Variants in NCAM2 observed in about 807,000 individuals in gnomAD.
NCAM2 encodes the protein N-CAM-2.
A neutral mutation model predicts 98.1 loss-of-function variants in NCAM2; 30 were observed. That is an observed-to-expected ratio of 0.31 (90% confidence interval 0.23 to 0.41). NCAM2 has a LOEUF of 0.41. Among genes scored for constraint, NCAM2 ranks in the 10% least tolerant of loss-of-function variants. The probability of loss-of-function intolerance (pLI) is 1.00; values close to 1 mark genes in which losing one functional copy is unlikely to be tolerated. For synonymous variants in NCAM2, 368 were observed against 342.4 expected (o/e 1.07, Z -0.83); for missense variants, 867 against 1,005.8 (o/e 0.86, Z 1.87).
chr21:21,231,421 A>G (rs1568805240), intron 1 of NCAM2, among the ~76,000 whole-genome samples: 1 of 151,322 alleles, frequency 6.6e-6, no homozygotes, highest in African/African-American at 2.4e-5. Context: ...CTTTTGGAAA[A>G]AGAAACAGAA....
rs199935970 is a variant in NCAM2, at chr21:21,265,160, TTATA to T, written c.56-15412_56-15409del. Among the ~76,000 whole-genome samples the T allele has an allele frequency of 8.0e-4, 94 of 116,900 alleles. 2 individuals carry two copies. Among genetic ancestry groups the T allele is most frequent in the Non-Finnish European group, 5.9e-4 (35 of 59,512 alleles). The allele number at this position is 116,900 out of a possible 152,430, so 76.7% of individuals were successfully genotyped here. On this transcript the variant is annotated intron_variant, in intron 1 of 17. Coordinates refer to ENST00000400546, the MANE Select transcript of NCAM2 (RefSeq NM_004540.5). ...ATATATAATATATATACATATATAC[TTATA>T]TATATTATATATGTATATATAATAT... is the stretch of plus-strand genomic sequence containing the variant.
At chr21:21,296,445 AACTG>A (rs2073482607) in intron 5 of NCAM2, among the ~76,000 whole-genome samples, 1 of 19,370 alleles carries the variant, frequency 5.2e-5, no homozygotes, top group South Asian at 2.0e-3. Flanking sequence ...CCAAGCACCT[AACTG>A]TGATTGAAAT....
intron 1 of NCAM2, among the ~76,000 whole-genome samples, chr21:21,001,287 A>G (rs1192613267): frequency 6.6e-6 from 1 of 152,238 alleles, no homozygotes; most frequent in Admixed American, 6.5e-5. Context: ...GTTGTACAGT[A>G]GTAAGACGCT....
At chr21:21,111,284 G>A (rs542279243) in intron 1 of NCAM2, among the ~76,000 whole-genome samples, 1 of 152,224 alleles carries the variant, frequency 6.6e-6, no homozygotes, top group Admixed American at 6.5e-5. Context: ...CTTTTAAAAT[G>A]TAAGTCTGTA....
intron 9 of NCAM2, among the ~76,000 whole-genome samples, chr21:21,407,722 T>C (rs1479728588): frequency 6.6e-6 from 1 of 152,212 alleles, no homozygotes; most frequent in Non-Finnish European, 1.5e-5. Flanking sequence ...AAGATATAGA[T>C]ATAGACGTAT....
At chr21:21,367,213 T>G (rs2075808805) in intron 8 of NCAM2, among the ~76,000 whole-genome samples, 1 of 152,060 alleles carries the variant, frequency 6.6e-6, no homozygotes, top group South Asian at 2.1e-4. Context: ...TCTGACTATC[T>G]TCTTGGCTTC....
chr21:21,085,560 C>G (rs983714063), intron 1 of NCAM2, among the ~76,000 whole-genome samples: 1 of 152,120 alleles, frequency 6.6e-6, no homozygotes, highest in African/African-American at 2.4e-5. Context: ...GGGCTTCTTT[C>G]TCTTCAAATT....
At chr21:21,296,271 T>C (rs2073475827) in intron 5 of NCAM2, among the ~76,000 whole-genome samples, 1 of 151,860 alleles carries the variant, frequency 6.6e-6, no homozygotes. Context: ...CAGACTATTT[T>C]TTGAGAATGG....
At chr21:21,406,523 C>A (rs894909786) in intron 9 of NCAM2, among the ~76,000 whole-genome samples, 1 of 152,256 alleles carries the variant, frequency 6.6e-6, no homozygotes. Context: ...TAAGAAGAAC[C>A]TGACTAAAGT....
intron 1 of NCAM2, among the ~76,000 whole-genome samples, chr21:21,233,781 T>A (rs2070718101): frequency 6.6e-6 from 1 of 151,756 alleles, no homozygotes; most frequent in African/African-American, 2.4e-5. Flanking sequence ...AGTAGTAATT[T>A]GGGTCATAAT....
intron 1 of NCAM2, among the ~76,000 whole-genome samples, chr21:21,241,291 T>A (rs939184701): frequency 7.4e-6 from 1 of 135,660 alleles, no homozygotes; most frequent in Non-Finnish European, 1.6e-5. Context: ...AAAAGATAAG[T>A]TCCTGATGAT....
chr21:21,383,561 AT>A (rs1001983287), intron 9 of NCAM2, among the ~76,000 whole-genome samples: 1 of 151,990 alleles, frequency 6.6e-6, no homozygotes, highest in African/African-American at 2.4e-5. Flanking sequence ...AATCTTCCTG[AT>A]TTTTTTCCTC....
In NCAM2 at chr21:21,188,657, G is replaced by A. The variant is rs537036097; in HGVS notation, c.56-91921G>A. On this transcript the variant is annotated intron_variant, in intron 1 of 17. Transcript: ENST00000400546. ...AGGGGCCCTTGGATTTTTAAATCATGAAGCAGATACTCAAATGTGTGTAAA... is the reference window on the plus strand; with the variant it reads ...AGGGGCCCTTGGATTTTTAAATCATAAAGCAGATACTCAAATGTGTGTAAA... Among the ~76,000 whole-genome samples, 7 of 152,212 alleles carry A rather than the reference G, an allele frequency of 4.6e-5. No homozygotes were observed. In the East Asian group the frequency reaches 1.4e-3, roughly 29 times the overall value.
intron 1 of NCAM2, among the ~76,000 whole-genome samples, chr21:21,254,894 TAGTTTG>T (rs1253845492): frequency 3.9e-5 from 4 of 102,994 alleles, no homozygotes; most frequent in African/African-American, 1.7e-4. Context: ...CACTGGATAA[TAGTTTG>T]TGTGTGTGTG....
At chr21:21,402,420 A>AC (rs1337008215) in intron 9 of NCAM2, among the ~76,000 whole-genome samples, 1 of 151,780 alleles carries the variant, frequency 6.6e-6, no homozygotes, top group Non-Finnish European at 1.5e-5. Flanking sequence ...GGATTGGGAA[A>AC]CCCCAGCCCT....
rs1271037482 is a variant in NCAM2 at position 21,540,895 on chromosome 21, G to T, written c.*2938G>T. 1 of 151,888 alleles carries T rather than the reference G, an allele frequency of 6.6e-6. No individual in the cohort carries two copies. The highest frequency in any genetic ancestry group is 1.9e-4 in the East Asian group (1 of 5,188). 9.4% of individuals were successfully genotyped at this position (151,888 alleles called of 1,614,324 possible). On this transcript the variant is annotated 3_prime_UTR_variant, in exon 18 of 18. Transcript: ENST00000400546. ...TGTGTCAACATATTTTACAATGATT[G>T]TCAAAGGAATTTAAGAATTGTATTT...
intron 1 of NCAM2, among the ~76,000 whole-genome samples, chr21:21,029,842 G>T (rs1237916878): frequency 6.6e-6 from 1 of 151,972 alleles, no homozygotes; most frequent in East Asian, 1.9e-4. Flanking sequence ...ACGTTGGCCA[G>T]GATGGTCTCA....
intron 9 of NCAM2, among the ~76,000 whole-genome samples, chr21:21,401,591 TTAAGA>T (rs1442517562): frequency 9.2e-5 from 14 of 152,360 alleles, no homozygotes; most frequent in African/African-American, 3.4e-4. Flanking sequence ...TTTATTTCAC[TTAAGA>T]TAACATCCTC....
At position 21,106,314 on chromosome 21, in the gene NCAM2, C is replaced by CAAAAAAAAAAAAAAAAAAAAAA. The variant is rs202018731; in HGVS notation, c.55+107711_55+107712insAAAAAAAAAAAAAAAAAAAAAA. On this transcript the variant is annotated intron_variant, in intron 1 of 17. Transcript: ENST00000400546. ...CAGAATGAGAGACATGTCTCAAAAG[C>CAAAAAAAAAAAAAAAAAAAAAA]AAAAAAAAAAAAAAAGGAACAGCCA... 2.0e-3 allele frequency among the ~76,000 whole-genome samples: 209 copies of CAAAAAAAAAAAAAAAAAAAAAA among 103,310 alleles called. 3 individuals are homozygous for CAAAAAAAAAAAAAAAAAAAAAA. Among genetic ancestry groups the CAAAAAAAAAAAAAAAAAAAAAA allele is most frequent in the African/African-American group, 3.8e-3 (85 of 22,242 alleles). The allele number at this position is 103,310 out of a possible 152,430, so 67.8% of individuals were successfully genotyped here. A position where few individuals can be genotyped will look rare whatever the true frequency, so the allele number is the denominator to read the frequency against.
Sources: gnomAD v4.1 joint callset for allele counts (sites outside exome capture counted in the v4.1 genomes callset) on GRCh38, gnomAD v4.1.1 for gene constraint, MANE v1.5 for transcripts, NCBI Gene and HGNC (gene_info 2026-07-23, HGNC 2026-07-21) for gene names.